Variants in SLC29A4 observed in about 807,000 individuals in gnomAD.
SLC29A4 encodes equilibrative nucleoside transporter 4.
A neutral mutation model predicts 43.9 loss-of-function variants in SLC29A4; 36 were observed. That is an observed-to-expected ratio of 0.82 (90% CI 0.63 to 1.08). The LOEUF (loss-of-function observed/expected upper bound fraction) is 1.08, where lower values mean the gene tolerates loss of function less well. Ranked by LOEUF, SLC29A4 falls within the 50% of genes least tolerant of loss-of-function variation. SLC29A4 has a pLI of 0.00. For synonymous variants in SLC29A4, 491 were observed against 338.0 expected (o/e 1.45, Z -4.97); for missense variants, 869 against 755.3 (o/e 1.15, Z -1.77).
chr7:5,294,191 T>G (rs1393425409), intron 5 of SLC29A4, among the ~76,000 whole-genome samples: 1 of 152,142 alleles, frequency 6.6e-6, no homozygotes, highest in Non-Finnish European at 1.5e-5. Flanking sequence ...TCCTCCCTTC[T>G]TAGCCTCTCA....
At chr7:5,294,809 T>C (rs751784780) in intron 5 of SLC29A4, 51 bp from the exon 6 acceptor site, 1 of 1,585,500 alleles carries the variant, frequency 6.3e-7, no homozygotes, top group Non-Finnish European at 8.6e-7. Context: ...TTCTCCCAAG[T>C]TGACAGGTGA....
chr7:5,285,899 A>G (rs140356784), intron 1 of SLC29A4, among the ~76,000 whole-genome samples: 7,759 of 152,184 alleles, frequency 0.051, 408 homozygotes, highest in East Asian at 0.14. Flanking sequence ...TGTTCCAGCT[A>G]CTTAAGAGAC....
rs1471455231 is a variant in SLC29A4 at position 5,304,834 on chromosome 7, C to G, written c.*1895C>G. The G allele has an allele frequency of 6.6e-6, 1 of 151,978 alleles. No homozygotes were observed. The highest frequency in any genetic ancestry group is 2.4e-5 in the African/African-American group (1 of 41,340). The allele number at this position is 151,978 out of a possible 1,614,324, so 9.4% of individuals were successfully genotyped here. A position where few individuals can be genotyped will look rare whatever the true frequency, so the allele number is the denominator to read the frequency against. ...CTCATTTTTGTTTTTTCTTTCTTTA[C>G]AAGACAGGCTCTCGCTCTGTCACTG... is the stretch of plus-strand genomic sequence containing the variant. On this transcript the variant is annotated 3_prime_UTR_variant, in exon 11 of 11. Transcript: ENST00000396872.
rs1462701046 is a variant in SLC29A4 at position 5,304,054 on chromosome 7, C to G, written c.*1115C>G. ...CGGCCATTAAAAGATGAAGGCAGAC[C>G]GCTGCACCGCCGCCTGCAAGCAGAG... On this transcript the variant is annotated 3_prime_UTR_variant, in exon 11 of 11. Coordinates refer to ENST00000396872, the MANE Select transcript of SLC29A4 (RefSeq NM_153247.4). The G allele has an allele frequency of 1.3e-5, 2 of 152,372 alleles. No homozygotes were observed. Among genetic ancestry groups the G allele is most frequent in the Admixed American group, 6.5e-5 (1 of 15,290 alleles). The allele number at this position is 152,372 out of a possible 1,614,324, so 9.4% of individuals were successfully genotyped here. A position where few individuals can be genotyped will look rare whatever the true frequency, so the allele number is the denominator to read the frequency against.
chr7:5,296,988 G>C lies in SLC29A4; in HGVS notation c.672G>C (p.Leu224=), dbSNP rs1785726618. The C allele has an allele frequency of 6.2e-7, 1 of 1,603,292 alleles. No individual in the cohort carries two copies. Among genetic ancestry groups the C allele is most frequent in the East Asian group, 2.2e-5 (1 of 44,854 alleles). The change falls in exon 7 of 11, where the codon CTG becomes CTC. Residue 224 remains leucine (L), a synonymous_variant. Coordinates refer to ENST00000396872, the MANE Select transcript of SLC29A4 (RefSeq NM_153247.4). ...GCCGCATCCTCACGAAGCTGCTGCT[G>C]CCCGACGAGCGCGCCAGCACGCTCA... ...SLSRILTKLL[L]PDERASTLIF... is the part of the protein sequence containing the mutation.
intron 7 of SLC29A4, 123 bp downstream of exon 7, chr7:5,297,321 G>C: frequency 1.7e-6 from 2 of 1,151,262 alleles, no homozygotes; most frequent in Non-Finnish European, 1.2e-6. Context: ...TCCTCCTGTG[G>C]TGGAGACTCC....
intron 6 of SLC29A4, among the ~76,000 whole-genome samples, chr7:5,296,019 G>A (rs1785630780): frequency 6.6e-6 from 1 of 152,012 alleles, no homozygotes; most frequent in Non-Finnish European, 1.5e-5. Context: ...AAAACCCACA[G>A]CCTGCCCACC....
chr7:5,302,994 C>T lies in SLC29A4; in HGVS notation c.*55C>T. ...AGGGCCTGACCAGGGGCCCCGAGGC[C>T]TGAGGGCCCCTCCCCTGTCCCCACC... On this transcript the variant is annotated 3_prime_UTR_variant, in exon 11 of 11. Coordinates refer to ENST00000396872, the MANE Select transcript of SLC29A4 (RefSeq NM_153247.4). 6.4e-7 allele frequency: 1 copy of T among 1,560,716 alleles called. No individual in the cohort carries two copies.
At chr7:5,288,056 C>G (rs779457870) in intron 2 of SLC29A4, 71 bp downstream of exon 2, 10 of 1,500,948 alleles carry the variant, frequency 6.7e-6, no homozygotes, top group Non-Finnish European at 8.9e-6. Context: ...CCCAGTGAAG[C>G]CTTGCGGTAT....
At chr7:5,294,754 G>A (rs1055402455) in intron 5 of SLC29A4, 106 bp from the exon 6 acceptor site, 27 of 1,105,222 alleles carry the variant, frequency 2.4e-5, no homozygotes, top group African/African-American at 1.2e-4. Context: ...TGGTGTTAAC[G>A]GCTGTTTACG....
Position 5,287,900 on chromosome 7 carries a change from C to T in SLC29A4, c.84C>T (p.Phe28=), listed in dbSNP as rs140965974. The T allele has an allele frequency of 1.1e-4, 170 of 1,612,072 alleles. No homozygotes were observed. Among genetic ancestry groups the T allele is most frequent in the South Asian group, 1.0e-3 (94 of 90,998 alleles). The change falls in exon 2 of 11, where the codon TTC becomes TTT. Residue 28 remains phenylalanine, a synonymous_variant. Coordinates refer to ENST00000396872, the MANE Select transcript of SLC29A4 (RefSeq NM_153247.4). ...PDPGVVMSFT[F]DSHQLEEAAE... ...CGGGCGTAGTGATGAGCTTCACCTT[C>T]GACAGTCACCAGCTGGAGGAGGCGG...
Position 5,292,996 on chromosome 7 carries a change from G to A in SLC29A4, c.544+1175G>A, listed in dbSNP as rs558435341. ...TTACAGGCGTGAGCCACCGCACCCC[G>A]CCCCGATAATGTTCTTTATAGCATT... is the stretch of plus-strand genomic sequence containing the variant. On this transcript the variant is annotated intron_variant, in intron 5 of 10. Transcript: ENST00000396872. 1.7e-4 allele frequency among the ~76,000 whole-genome samples: 26 copies of A among 150,546 alleles called. No homozygotes were observed. The South Asian group carries it at 4.4e-3, about 25-fold the overall frequency.
At chr7:5,287,777 C>T (rs569762227) in intron 1 of SLC29A4, 32 bp from the exon 2 acceptor site, 1 of 1,598,914 alleles carries the variant, frequency 6.3e-7, no homozygotes, top group African/African-American at 1.4e-5. Flanking sequence ...GCCTTCTTCC[C>T]TCACCTGCTC....
chr7:5,292,978 C>A (rs1274194564), intron 5 of SLC29A4, among the ~76,000 whole-genome samples: 19 of 151,082 alleles, frequency 1.3e-4, no homozygotes, highest in South Asian at 1.0e-3. Flanking sequence ...GTATTACAGG[C>A]GTGAGCCACC....
chr7:5,286,914 G>A (rs1237016370), intron 1 of SLC29A4, among the ~76,000 whole-genome samples: 1 of 152,218 alleles, frequency 6.6e-6, no homozygotes, highest in African/African-American at 2.4e-5. Context: ...GCACGCGTGA[G>A]GCTCACTCAT....
At chr7:5,284,723 C>T (rs1253636817) in intron 1 of SLC29A4, among the ~76,000 whole-genome samples, 1 of 152,194 alleles carries the variant, frequency 6.6e-6, no homozygotes, top group Non-Finnish European at 1.5e-5. Flanking sequence ...GCAGCAGGGT[C>T]CCCACCCCCT....
At chr7:5,294,987 G>C (rs1029919281) in intron 6 of SLC29A4, 53 bp downstream of exon 6, 8 of 1,508,778 alleles carry the variant, frequency 5.3e-6, no homozygotes, top group Non-Finnish European at 6.3e-6. Context: ...CCTGGGCTCT[G>C]GAAGCTTCTT....
At position 5,300,613 on chromosome 7, in the gene SLC29A4, C is replaced by A; in HGVS notation, c.1401C>A (p.Pro467=). Residue 467 remains proline (P), a synonymous_variant, in exon 10 of 11, where the codon CCC becomes CCA. Transcript: ENST00000396872. ...GCAACGGCTACTTCGGCAGCGTGCC[C>A]ATGATCCTGGCGGCAGGCAAAGTGA... ...GISNGYFGSV[P]MILAAGKVSP... 1 of 1,610,692 alleles carries A rather than the reference C, an allele frequency of 6.2e-7. No homozygotes were observed. Among genetic ancestry groups the A allele is most frequent in the Non-Finnish European group, 8.5e-7 (1 of 1,178,786 alleles).
chr7:5,288,588 G>A (rs532901038), intron 2 of SLC29A4, among the ~76,000 whole-genome samples: 5 of 151,944 alleles, frequency 3.3e-5, no homozygotes, highest in African/African-American at 9.7e-5. Context: ...CACCGCGCCC[G>A]TCCGCTGACC....
Sources: gnomAD v4.1 joint callset for allele counts (sites outside exome capture counted in the v4.1 genomes callset) on GRCh38, gnomAD v4.1.1 for gene constraint, MANE v1.5 for transcripts, NCBI Gene and HGNC (gene_info 2026-07-23, HGNC 2026-07-21) for gene names.